The following TNFRSF11A variants were observed in gnomAD, a reference collection of about 807,000 sequenced individuals.
The protein encoded by TNFRSF11A is tumor necrosis factor receptor superfamily member 11A.
Under a neutral mutation model 55.7 loss-of-function variants are expected in TNFRSF11A, and 32 were observed. The ratio of observed to expected loss-of-function variants is 0.57; its 90% CI spans 0.43 to 0.77. TNFRSF11A has a LOEUF of 0.77. Ranked by LOEUF, TNFRSF11A falls within the 30% of genes least tolerant of loss-of-function variation. The pLI is 0.00. For missense variants in TNFRSF11A, 753 were observed against 809.8 expected, an observed-to-expected ratio of 0.93 and a Z score of 0.85; for synonymous variants, 311 against 331.0, an observed-to-expected ratio of 0.94 and a Z score of 0.65.
intron 9 of TNFRSF11A, among the ~76,000 whole-genome samples, chr18:62,376,204 T>C (rs1910882869): frequency 6.6e-6 from 1 of 151,992 alleles, no homozygotes; most frequent in Admixed American, 6.5e-5. Context: ...GCCAGTTGTC[T>C]TGGGATGTTA....
chr18:62,387,279 G>A lies in TNFRSF11A; in HGVS notation c.*2245G>A, dbSNP rs929181162. On this transcript the variant is annotated 3_prime_UTR_variant, in exon 10 of 10. Transcript: ENST00000586569. The stretch of plus-strand genomic sequence containing the variant: ...CAAAGGCAACTCAATGCTAAAAAAT[G>A]TATAGAAAATATAAGTCTGTGTCTG... The A allele has an allele frequency of 9.2e-5, 14 of 152,176 alleles. No individual in the cohort carries two copies. The highest frequency in any genetic ancestry group is 3.9e-4 in the Admixed American group (6 of 15,284). The allele number at this position is 152,176 out of a possible 1,614,324, so 9.4% of individuals were successfully genotyped here.
intron 1 of TNFRSF11A, among the ~76,000 whole-genome samples, chr18:62,335,129 A>ATTTTT (rs11289576): frequency 2.6e-4 from 37 of 140,770 alleles, no homozygotes; most frequent in Middle Eastern, 3.9e-3. Flanking sequence ...TGGGGTCGGA[A>ATTTTT]TTTTTTTTTT....
rs1475005699 is a variant in TNFRSF11A at position 62,389,437 on chromosome 18, C to A, written c.*4403C>A. ...AGGGGGAGCCGCCCTGGACCAACAC[C>A]CCCATGGCTGCCCCACTGCGGAACT... On this transcript the variant is annotated 3_prime_UTR_variant, in exon 10 of 10. Coordinates refer to ENST00000586569, the MANE Select transcript of TNFRSF11A (RefSeq NM_003839.4). 1 of 152,376 alleles carries A rather than the reference C, an allele frequency of 6.6e-6. No homozygotes were observed. Among genetic ancestry groups the A allele is most frequent in the African/African-American group, 2.4e-5 (1 of 41,436 alleles). 9.4% of individuals were successfully genotyped at this position (152,376 alleles called of 1,614,324 possible).
At chr18:62,347,265 T>C (rs1423909043) in intron 1 of TNFRSF11A, among the ~76,000 whole-genome samples, 1 of 152,218 alleles carries the variant, frequency 6.6e-6, no homozygotes, top group Non-Finnish European at 1.5e-5. Flanking sequence ...CTAAGCCCAG[T>C]TCTTCAGTTT....
rs8083511 is a variant in TNFRSF11A at position 62,361,422 on chromosome 18, A to C, written c.617-258A>C. 0.26 allele frequency among the ~76,000 whole-genome samples: 39,683 copies of C among 151,952 alleles called. 5,915 individuals are homozygous for C. The highest frequency in any genetic ancestry group is 0.52 in the East Asian group (2,709 of 5,166). On this transcript the variant is annotated intron_variant, in intron 6 of 9. Coordinates refer to ENST00000586569, the MANE Select transcript of TNFRSF11A (RefSeq NM_003839.4). ...GGTGAGCATGATGAGAGCTGTTCTA[A>C]GGTAGAAACACCGTAATGGCCCTGG...
chr18:62,363,657 G>A (rs180795873), intron 7 of TNFRSF11A, among the ~76,000 whole-genome samples: 1 of 152,210 alleles, frequency 6.6e-6, no homozygotes, highest in East Asian at 1.9e-4. Flanking sequence ...ATGAGCCACC[G>A]CACCCAGCCA....
chr18:62,348,072 A>AG, intron 1 of TNFRSF11A, 96 bp from the exon 2 acceptor site: 2 of 1,013,596 alleles, frequency 2.0e-6, no homozygotes, highest in Non-Finnish European at 3.0e-6. Context: ...AAAAAAAAAA[A>AG]AAAAAAAGTA....
intron 9 of TNFRSF11A, among the ~76,000 whole-genome samples, chr18:62,380,506 G>A (rs928408901): frequency 8.9e-4 from 124 of 138,840 alleles, no homozygotes; most frequent in African/African-American, 3.1e-3. Flanking sequence ...GCATGATCTC[G>A]GCTCACTGCA....
At chr18:62,340,333 CT>C (rs1228381995) in intron 1 of TNFRSF11A, among the ~76,000 whole-genome samples, 1 of 151,956 alleles carries the variant, frequency 6.6e-6, no homozygotes, top group Non-Finnish European at 1.5e-5. Flanking sequence ...ATCCTCCTGC[CT>C]CAACCTCCTG....
rs578062343 is a variant in TNFRSF11A at position 62,325,862 on chromosome 18, C to A, written c.75+435C>A. Among the ~76,000 whole-genome samples the A allele has an allele frequency of 2.6e-4, 40 of 152,216 alleles. No individual in the cohort carries two copies. Among genetic ancestry groups the A allele is most frequent in the Non-Finnish European group, 4.9e-4 (33 of 68,036 alleles). On this transcript the variant is annotated intron_variant, in intron 1 of 9. Coordinates refer to ENST00000586569, the MANE Select transcript of TNFRSF11A (RefSeq NM_003839.4). The surrounding 1 kb of genome is among the most constrained non-coding windows in gnomAD (Gnocchi z 4.7). ...GTGGCCTCCGTCCCAAATTTCCACC[C>A]GGAAAGAGACATGATTCCCTCCGTC...
chr18:62,332,966 A>T (rs1470317864), intron 1 of TNFRSF11A, among the ~76,000 whole-genome samples: 2 of 152,182 alleles, frequency 1.3e-5, no homozygotes, highest in African/African-American at 2.4e-5. Flanking sequence ...CATGGGAAGG[A>T]TGAGTTCCGA....
rs1333357323 is a variant in TNFRSF11A, at chr18:62,360,069, G to T, written c.616+20G>T. The T allele has an allele frequency of 6.2e-7, 1 of 1,608,036 alleles. No individual in the cohort carries two copies. The highest frequency in any genetic ancestry group is 8.5e-7 in the Non-Finnish European group (1 of 1,174,756). On this transcript the variant is annotated intron_variant, in intron 6 of 9. Coordinates refer to ENST00000586569, the MANE Select transcript of TNFRSF11A (RefSeq NM_003839.4). Reference sequence around the variant, plus strand: ...CAAATGGTATGTTTAAAAAGAGCCTGTTGGTTGATAGATGTGCCCCAGGGT... The same window carrying T: ...CAAATGGTATGTTTAAAAAGAGCCTTTTGGTTGATAGATGTGCCCCAGGGT...
At chr18:62,353,698 G>A (rs1909010822) in intron 3 of TNFRSF11A, among the ~76,000 whole-genome samples, 1 of 148,594 alleles carries the variant, frequency 6.7e-6, no homozygotes, top group African/African-American at 2.4e-5. Context: ...TGTGTATGTA[G>A]TTTATAACAG....
At chr18:62,347,437 T>G (rs1405142411) in intron 1 of TNFRSF11A, among the ~76,000 whole-genome samples, 1 of 152,188 alleles carries the variant, frequency 6.6e-6, no homozygotes, top group Non-Finnish European at 1.5e-5. Context: ...GATGGGCAGA[T>G]TCAGAAATTG....
At chr18:62,382,248 T>C (rs1391324731) in intron 9 of TNFRSF11A, among the ~76,000 whole-genome samples, 1 of 151,622 alleles carries the variant, frequency 6.6e-6, no homozygotes, top group Non-Finnish European at 1.5e-5. Context: ...GTAGCTGGGA[T>C]TGCAGGTGCC....
At chr18:62,361,050 A>G (rs1394546631) in intron 6 of TNFRSF11A, among the ~76,000 whole-genome samples, 2 of 152,232 alleles carry the variant, frequency 1.3e-5, no homozygotes, top group Admixed American at 6.5e-5. Context: ...TTTGGCAGAT[A>G]ACATTAAATA....
chr18:62,338,140 T>C (rs1277345940), intron 1 of TNFRSF11A, among the ~76,000 whole-genome samples: 1 of 152,216 alleles, frequency 6.6e-6, no homozygotes, highest in Non-Finnish European at 1.5e-5. Flanking sequence ...GGATGGCTAT[T>C]ATTTTAAAAA....
chr18:62,370,363 A>G (rs1028657794), intron 9 of TNFRSF11A, among the ~76,000 whole-genome samples: 20 of 152,230 alleles, frequency 1.3e-4, no homozygotes, highest in Non-Finnish European at 1.2e-4. Flanking sequence ...ATATGGATAT[A>G]TACTATTTAA....
intron 1 of TNFRSF11A, among the ~76,000 whole-genome samples, chr18:62,342,401 C>CA (rs371734407): frequency 0.014 from 890 of 62,172 alleles, 47 homozygotes; most frequent in Admixed American, 0.035. Context: ...GATTCTGTCT[C>CA]AAAAAAAAAA....
Sources: allele counts gnomAD v4.1 joint callset (sites outside exome capture counted in the v4.1 genomes callset), GRCh38; gene constraint gnomAD v4.1.1; non-coding constraint Gnocchi (gnomAD v3.1); transcripts MANE v1.5; gene names NCBI Gene and HGNC (gene_info 2026-07-23, HGNC 2026-07-21).